The following ITPR3 variants were observed in gnomAD, a reference collection of about 807,000 sequenced individuals.
ITPR3 encodes inositol 1,4,5-trisphosphate-gated calcium channel ITPR3.
In ITPR3, 173 loss-of-function variants were observed where a neutral mutation model predicts 293.2. The observed-to-expected ratio is 0.59, with a 90% CI of 0.52 to 0.67. ITPR3 has a LOEUF of 0.67. Ranked by LOEUF, ITPR3 falls within the 30% of genes least tolerant of loss-of-function variation. The pLI is 0.00. For synonymous variants in ITPR3, 1,295 were observed against 1,444.4 expected (o/e 0.90, Z 2.35); for missense variants, 2,796 against 3,592.1 (o/e 0.78, Z 5.66).
chr6:33,622,049 C>A (rs1032545177), intron 1 of ITPR3, among the ~76,000 whole-genome samples: 2 of 152,112 alleles, frequency 1.3e-5, no homozygotes, highest in African/African-American at 4.8e-5. Context: ...CGGGCCGAGA[C>A]GTGCCCGGCT....
chr6:33,640,573 C>T lies in ITPR3; in HGVS notation c.160+19C>T. On this transcript the variant is annotated intron_variant, in intron 2 of 57. Coordinates refer to ENST00000605930, the MANE Select transcript of ITPR3 (RefSeq NM_002224.4). ...TTCCGTGGTAAGACCTCCGCTTCCTCTGCCCCCGCCCCTCCCAGGCTGCAG... is the reference window on the plus strand; with the variant it reads ...TTCCGTGGTAAGACCTCCGCTTCCTTTGCCCCCGCCCCTCCCAGGCTGCAG... 6.3e-7 allele frequency: 1 copy of T among 1,591,572 alleles called. No homozygotes were observed. Among genetic ancestry groups the T allele is most frequent in the Non-Finnish European group, 8.6e-7 (1 of 1,167,776 alleles).
Position 33,671,042 on chromosome 6 carries a change from G to A in ITPR3, c.2587-123G>A. ...CTCTCCCTGCTCCGCTCTCCCTCCT[G>A]GGAACCCCGTCCTCATGACGCCCCT... On this transcript the variant is annotated intron_variant, in intron 20 of 57. Coordinates refer to ENST00000605930, the MANE Select transcript of ITPR3 (RefSeq NM_002224.4). 3 of 1,493,284 alleles carry A rather than the reference G, an allele frequency of 2.0e-6. No homozygotes were observed. The South Asian group carries it at 3.8e-5, about 19-fold the overall frequency. The allele number at this position is 1,493,284 out of a possible 1,614,324, so 92.5% of individuals were successfully genotyped here. A position where few individuals can be genotyped will look rare whatever the true frequency, so the allele number is the denominator to read the frequency against.
chr6:33,644,133 T>C (rs766947508), intron 2 of ITPR3, among the ~76,000 whole-genome samples: 3 of 152,086 alleles, frequency 2.0e-5, no homozygotes, highest in Non-Finnish European at 2.9e-5. Flanking sequence ...GAGTTTGCAG[T>C]GAGCTGAGAT....
At position 33,692,138 on chromosome 6, in the gene ITPR3, A is replaced by T. The variant is rs977361009; in HGVS notation, c.7458+210A>T. 1.3e-5 allele frequency among the ~76,000 whole-genome samples: 2 copies of T among 152,214 alleles called. No homozygotes were observed. The highest frequency in any genetic ancestry group is 4.8e-5 in the African/African-American group (2 of 41,454). ...CCCCTCACCCTCCCATTCCATAAGG[A>T]AAGACTTTGGCAACCAAACTTTGCC... On this transcript the variant is annotated intron_variant, in intron 54 of 57. Transcript: ENST00000605930. This position sits in a 1 kb window ranked among gnomAD's most constrained non-coding sequence, Gnocchi z 4.2.
intron 1 of ITPR3, among the ~76,000 whole-genome samples, chr6:33,630,126 T>C (rs1230002024): frequency 6.6e-6 from 1 of 152,122 alleles, no homozygotes; most frequent in African/African-American, 2.4e-5. Flanking sequence ...GTCAAGGTAC[T>C]CGTGTTACAT....
intron 2 of ITPR3, among the ~76,000 whole-genome samples, chr6:33,653,457 C>T (rs1483577268): frequency 6.6e-6 from 1 of 152,134 alleles, no homozygotes; most frequent in Admixed American, 6.5e-5. Flanking sequence ...CACATGCACC[C>T]ATTTGGTGTG....
intron 57 of ITPR3, 23 bp from the exon 58 acceptor site, chr6:33,695,689 T>C (rs919660814): frequency 3.5e-5 from 57 of 1,613,004 alleles, no homozygotes; most frequent in Non-Finnish European, 4.7e-5. Context: ...TGACCAGGCC[T>C]GTTGGCATCT....
rs577333891 is a variant in ITPR3 at position 33,679,496 on chromosome 6, C to T, written c.3973-386C>T. The stretch of plus-strand genomic sequence containing the variant: ...ATTAATTTCTATTATTATATTACTG[C>T]GAATAATGCAGTCGCTGGCACGAGA... On this transcript the variant is annotated intron_variant, in intron 30 of 57. Transcript: ENST00000605930. The surrounding 1 kb of genome is among the most constrained non-coding windows in gnomAD (Gnocchi z 4.2). 5.5e-4 allele frequency among the ~76,000 whole-genome samples: 84 copies of T among 152,248 alleles called. No homozygotes were observed. The highest frequency in any genetic ancestry group is 2.2e-3 in the Admixed American group (34 of 15,298).
In ITPR3 at chr6:33,692,055, A is replaced by ATCCACTTT; in HGVS notation, c.7458+131_7458+138dup. 1.6e-6 allele frequency: 2 copies of ATCCACTTT among 1,285,520 alleles called. No individual in the cohort carries two copies. Among genetic ancestry groups the ATCCACTTT allele is most frequent in the South Asian group, 2.6e-5 (2 of 78,028 alleles). The allele number at this position is 1,285,520 out of a possible 1,614,324, so 79.6% of individuals were successfully genotyped here. The stretch of plus-strand genomic sequence containing the variant: ...GTTGAACCCCCTCCCCCGAACTTGT[A>ATCCACTTT]TCCACTTTTCCCTGCTTTCCACACC... On this transcript the variant is annotated intron_variant, in intron 54 of 57. Transcript: ENST00000605930. The surrounding 1 kb of genome is among the most constrained non-coding windows in gnomAD (Gnocchi z 4.2).
At position 33,686,134 on chromosome 6, in the gene ITPR3, A is replaced by G. The variant is rs1179267828; in HGVS notation, c.5749A>G (p.Ser1917Gly). 2 of 1,614,206 alleles carry G rather than the reference A, an allele frequency of 1.2e-6. No homozygotes were observed. Among genetic ancestry groups the G allele is most frequent in the Non-Finnish European group, 1.7e-6 (2 of 1,180,034 alleles). Residue 1917 changes from serine (S) to glycine (G), a missense_variant, in exon 42 of 58, where the codon AGC (serine) becomes GGC (glycine). By Grantham distance (56) the Ser-to-Gly change is moderately conservative. This residue lies in a region of ITPR3 where 704 missense variants were observed against 797.5 expected (regional missense o/e 0.88). Transcript: ENST00000605930. ...GCAGTTCCTGGACATCATGTGCGGCAGCACCACGGGCGGCCTGGGGCTGCT... is the reference window on the plus strand; with the variant it reads ...GCAGTTCCTGGACATCATGTGCGGCGGCACCACGGGCGGCCTGGGGCTGCT... ...TLQFLDIMCG[S>G]TTGGLGLLGL...
intron 1 of ITPR3, among the ~76,000 whole-genome samples, chr6:33,623,569 C>A (rs1190640194): frequency 6.6e-6 from 1 of 151,998 alleles, no homozygotes; most frequent in African/African-American, 2.4e-5. Context: ...CTCAAGCAAT[C>A]CGCCCACCCC....
In ITPR3 at chr6:33,682,886, G is replaced by A. The variant is rs370597558; in HGVS notation, c.4597+242G>A. ...ACATTCTCCAGCTAGTTTTTTATGG[G>A]TATTTGCAGATGGGCTCAGGCAGGA... On this transcript the variant is annotated intron_variant, in intron 34 of 57. Coordinates refer to ENST00000605930, the MANE Select transcript of ITPR3 (RefSeq NM_002224.4). This position sits in a 1 kb window ranked among gnomAD's most constrained non-coding sequence, Gnocchi z 5.4. Among the ~76,000 whole-genome samples, 89 of 152,286 alleles carry A rather than the reference G, an allele frequency of 5.8e-4. No homozygotes were observed. The highest frequency in any genetic ancestry group is 1.9e-3 in the African/African-American group (80 of 41,552).
At position 33,621,822 on chromosome 6, in the gene ITPR3, C is replaced by T. The variant is rs1763443871; in HGVS notation, c.89+131C>T. ...TCCCCCTAGTCTCAAGGAGCGGGAACGGCTCGCCTCCTTCTTTTACAGAAA... is the reference window on the plus strand; with the variant it reads ...TCCCCCTAGTCTCAAGGAGCGGGAATGGCTCGCCTCCTTCTTTTACAGAAA... On this transcript the variant is annotated intron_variant, in intron 1 of 57. Transcript: ENST00000605930. This position sits in a 1 kb window ranked among gnomAD's most constrained non-coding sequence, Gnocchi z 7.7. The T allele has an allele frequency of 1.5e-6, 1 of 665,724 alleles. No homozygotes were observed. Among genetic ancestry groups the T allele is most frequent in the Non-Finnish European group, 2.6e-6 (1 of 379,848 alleles). The allele number at this position is 665,724 out of a possible 1,614,324, so 41.2% of individuals were successfully genotyped here.
intron 2 of ITPR3, among the ~76,000 whole-genome samples, chr6:33,651,518 G>C (rs913703623): frequency 6.6e-6 from 1 of 152,050 alleles, no homozygotes; most frequent in African/African-American, 2.4e-5. Flanking sequence ...ATCCCTATAG[G>C]GTCCCGGTCT....
rs955466899 is a variant in ITPR3 at position 33,683,918 on chromosome 6, C to T, written c.4789-102C>T. On this transcript the variant is annotated intron_variant, in intron 35 of 57. Transcript: ENST00000605930. The surrounding 1 kb of genome is among the most constrained non-coding windows in gnomAD (Gnocchi z 4.5). ...TGGGTGTGGGCCCCTCAGACAGAGG[C>T]AGGGCAATCTGTGGGGCTGTTTGGC... 8 of 1,323,480 alleles carry T rather than the reference C, an allele frequency of 6.0e-6. No homozygotes were observed. In the African/African-American group the frequency reaches 7.2e-5, roughly 12 times the overall value. The allele number at this position is 1,323,480 out of a possible 1,614,324, so 82.0% of individuals were successfully genotyped here.
chr6:33,629,100 A>T (rs544927777), intron 1 of ITPR3, among the ~76,000 whole-genome samples: 1 of 152,354 alleles, frequency 6.6e-6, no homozygotes, highest in African/African-American at 2.4e-5. Flanking sequence ...ACAATTCAGG[A>T]AAAGTAGTGG....
chr6:33,694,940 G>A lies in ITPR3; in HGVS notation c.7802G>A (p.Trp2601Ter), dbSNP rs762853243. 4 of 1,614,044 alleles carry A rather than the reference G, an allele frequency of 2.5e-6. No individual in the cohort carries two copies. The African/African-American group carries it at 4.0e-5, about 16-fold the overall frequency. The change falls in exon 57 of 58, where the codon TGG becomes TAG. Residue 2601 changes from tryptophan to a stop codon, truncating the protein, a stop_gained. Coordinates refer to ENST00000605930, the MANE Select transcript of ITPR3 (RefSeq NM_002224.4). LOFTEE classifies it high-confidence loss of function. ...GTTTTTCAGAACAAGAACCTGGACT[G>A]GTTCCCCCGGATGCGGGCCATGTCC... is the stretch of plus-strand genomic sequence containing the variant. ...AQMIKNKNLD[W>*]FPRMRAMSLV...
intron 2 of ITPR3, among the ~76,000 whole-genome samples, chr6:33,650,328 G>A (rs1240001886): frequency 6.6e-6 from 1 of 152,248 alleles, no homozygotes; most frequent in African/African-American, 2.4e-5. Context: ...GCATCTTCTG[G>A]CATGTGTATG....
At chr6:33,686,591 T>C in intron 43 of ITPR3, 72 bp downstream of exon 43, 1 of 1,184,556 alleles carries the variant, frequency 8.4e-7, no homozygotes, top group Non-Finnish European at 1.3e-6. Context: ...GTGACTTGTG[T>C]GTCAAGTGTA....
Sources: gnomAD v4.1 joint callset for allele counts (sites outside exome capture counted in the v4.1 genomes callset) on GRCh38, gnomAD v4.1.1 for gene constraint, gnomAD v4.1.1 regional missense constraint, Gnocchi (gnomAD v3.1) non-coding constraint, MANE v1.5 for transcripts, NCBI Gene and HGNC (gene_info 2026-07-23, HGNC 2026-07-21) for gene names.